SNPH: variants seen among roughly 807,000 people sequenced by gnomAD.
SNPH encodes the protein syntaphilin.
SNPH carries 10 observed loss-of-function variants against 36.8 expected under a neutral mutation model. That is an observed-to-expected ratio of 0.27 (90% CI 0.17 to 0.46). The LOEUF (loss-of-function observed/expected upper bound fraction) is 0.46. SNPH is among the 20% of genes least tolerant of loss of function. The probability of loss-of-function intolerance (pLI) is 1.00; values close to 1 mark genes in which losing one functional copy is unlikely to be tolerated. For missense variants in SNPH, 622 were observed against 744.0 expected (o/e 0.84, Z 1.91); for synonymous variants, 281 against 312.2 (o/e 0.90, Z 1.05).
chr20:1,286,202 G>A (rs538974327), intron 2 of SNPH, among the ~76,000 whole-genome samples: 1 of 152,182 alleles, frequency 6.6e-6, no homozygotes, highest in East Asian at 1.9e-4. Flanking sequence ...TAAATTAAGA[G>A]GTAGGGCAGC....
intron 2 of SNPH, among the ~76,000 whole-genome samples, chr20:1,278,208 G>C (rs1203746135): frequency 6.6e-6 from 1 of 151,536 alleles, no homozygotes; most frequent in Non-Finnish European, 1.5e-5. Context: ...GTCAGTGTCT[G>C]TGTGTGTGTT....
At chr20:1,275,226 C>T (rs79937072) in intron 2 of SNPH, among the ~76,000 whole-genome samples, 9,825 of 152,252 alleles carry the variant, frequency 0.065, 445 homozygotes, top group Admixed American at 0.12. Context: ...TTGTGTTACC[C>T]CCTGGGCCAT....
intron 2 of SNPH, among the ~76,000 whole-genome samples, chr20:1,277,660 CTGTG>C (rs1409648947): frequency 9.6e-6 from 1 of 103,654 alleles, no homozygotes; most frequent in East Asian, 3.1e-4. Context: ...GTCTGTGTAT[CTGTG>C]TGTGTCCGTG....
chr20:1,296,944 A>T (rs2088443363), intron 4 of SNPH: 1 of 652,852 alleles, frequency 1.5e-6, no homozygotes. Flanking sequence ...CAGGAGGACC[A>T]GCCTTCTTCT....
In SNPH at chr20:1,276,142, G is replaced by A. The variant is rs17779831; in HGVS notation, c.-493+9382G>A. Among the ~76,000 whole-genome samples, 9,160 of 152,228 alleles carry A rather than the reference G, an allele frequency of 0.06. 382 individuals are homozygous for A. Among genetic ancestry groups the A allele is most frequent in the South Asian group, 0.1 (490 of 4,824 alleles). The stretch of plus-strand genomic sequence containing the variant: ...GAGACCAGCCCTCCCTGGGTGGCAC[G>A]CAGGGCCCAGATTGGAGCTGTAGAC... On this transcript the variant is annotated intron_variant, in intron 2 of 6. Coordinates refer to ENST00000381867, the MANE Select transcript of SNPH (RefSeq NM_001318234.2). The surrounding 1 kb of genome is among the most constrained non-coding windows in gnomAD (Gnocchi z 4.6).
rs753820108 is a variant in SNPH, at chr20:1,305,329, C to T, written c.892C>T (p.Arg298Trp). Residue 298 changes from arginine to tryptophan, a missense_variant, in exon 7 of 7, where the codon CGG becomes TGG. Physicochemically the swap from Arg to Trp is moderately radical, Grantham distance 101. Transcript: ENST00000381867. ...TGCAGCAGCCGATGACACACTGAGCCGGACGGACGCGCTGGAAGCCAGCAG... is the reference window on the plus strand; with the variant it reads ...TGCAGCAGCCGATGACACACTGAGCTGGACGGACGCGCTGGAAGCCAGCAG... ...GFAAADDTLS[R>W]TDALEASSLL... 1.4e-5 allele frequency: 23 copies of T among 1,610,426 alleles called. No homozygotes were observed. Among genetic ancestry groups the T allele is most frequent in the Admixed American group, 1.7e-5 (1 of 59,962 alleles).
chr20:1,282,684 T>C (rs2088239153), intron 2 of SNPH, among the ~76,000 whole-genome samples: 1 of 151,940 alleles, frequency 6.6e-6, no homozygotes, highest in African/African-American at 2.4e-5. Flanking sequence ...TTCAGTACCT[T>C]TCTGGTATAA....
At chr20:1,298,478 C>T (rs959524904) in intron 5 of SNPH, among the ~76,000 whole-genome samples, 3 of 152,212 alleles carry the variant, frequency 2.0e-5, no homozygotes, top group Admixed American at 2.0e-4. Flanking sequence ...ACTCATGCCC[C>T]AGCATCCTGG....
rs1222710402 is a variant in SNPH, at chr20:1,294,442, G to A, written c.-492-509G>A. Among the ~76,000 whole-genome samples the A allele has an allele frequency of 2.6e-5, 4 of 152,266 alleles. No individual in the cohort carries two copies. Among genetic ancestry groups the A allele is most frequent in the South Asian group, 2.1e-4 (1 of 4,824 alleles). On this transcript the variant is annotated intron_variant, in intron 2 of 6. Transcript: ENST00000381867. This position sits in a 1 kb window ranked among gnomAD's most constrained non-coding sequence, Gnocchi z 4.4. ...ACTGATGTCCTCTTACCCCCAAATC[G>A]CCCCTCCTCCATGGTTCCTGCTCTA...
Position 1,306,006 on chromosome 20 carries a change from G to C in SNPH, c.1569G>C (p.Ser523=). Residue 523 remains serine, a synonymous_variant, in exon 7 of 7, where the codon TCG becomes TCC. Transcript: ENST00000381867. ...CCATCCGCAGGATCAGCTGCCGCTC[G>C]CTGAGCCAGCCGAGTCCCAGCCCAG... The part of the protein sequence containing the change: ...LHSIRRISCR[S]LSQPSPSPAG... The C allele has an allele frequency of 6.6e-7, 1 of 1,525,034 alleles. No individual in the cohort carries two copies. The highest frequency in any genetic ancestry group is 8.8e-7 in the Non-Finnish European group (1 of 1,136,934). The allele number at this position is 1,525,034 out of a possible 1,614,324, so 94.5% of individuals were successfully genotyped here.
intron 2 of SNPH, among the ~76,000 whole-genome samples, chr20:1,286,262 C>T (rs2088283273): frequency 6.6e-6 from 1 of 152,152 alleles, no homozygotes. Flanking sequence ...TAATCACCCA[C>T]CCTCTTCCAG....
At chr20:1,280,570 C>T (rs951883798) in intron 2 of SNPH, among the ~76,000 whole-genome samples, 17 of 152,222 alleles carry the variant, frequency 1.1e-4, no homozygotes, top group African/African-American at 3.4e-4. Context: ...CCACTTTATA[C>T]ATGGGCAGAC....
chr20:1,269,006 G>A (rs1324084691), intron 2 of SNPH, among the ~76,000 whole-genome samples: 1 of 152,196 alleles, frequency 6.6e-6, no homozygotes, highest in African/African-American at 2.4e-5. Flanking sequence ...GTGCCAGCTG[G>A]TGTGAGATGA....
At chr20:1,299,912 C>T (rs1027561109) in intron 5 of SNPH, among the ~76,000 whole-genome samples, 2 of 152,152 alleles carry the variant, frequency 1.3e-5, no homozygotes, top group East Asian at 3.9e-4. Context: ...AGTGCCAGGG[C>T]GTATATGGAG....
intron 3 of SNPH, among the ~76,000 whole-genome samples, chr20:1,295,347 A>G (rs2122388860): frequency 1.3e-5 from 2 of 152,264 alleles, no homozygotes; most frequent in South Asian, 4.1e-4. Flanking sequence ...AAAGAAGCCT[A>G]AGGACTCGGG....
At chr20:1,288,703 C>T (rs2088314220) in intron 2 of SNPH, among the ~76,000 whole-genome samples, 1 of 150,426 alleles carries the variant, frequency 6.6e-6, no homozygotes, top group African/African-American at 2.5e-5. Flanking sequence ...CTGACTACAA[C>T]CTCTGCCTCC....
At chr20:1,283,662 C>T (rs1023272079) in intron 2 of SNPH, among the ~76,000 whole-genome samples, 2 of 152,194 alleles carry the variant, frequency 1.3e-5, no homozygotes, top group African/African-American at 4.8e-5. Context: ...AAGCATGATA[C>T]GGCCGTGGGC....
At position 1,285,335 on chromosome 20, in the gene SNPH, T is replaced by G. The variant is rs567579951; in HGVS notation, c.-492-9616T>G. On this transcript the variant is annotated intron_variant, in intron 2 of 6. Coordinates refer to ENST00000381867, the MANE Select transcript of SNPH (RefSeq NM_001318234.2). This position sits in a 1 kb window ranked among gnomAD's most constrained non-coding sequence, Gnocchi z 4.9. ...GGGTTTTTCTTTCCTTTTCTTTTTT[T>G]GCAAGTAGACTTAAGAAAGCATAAA... Among the ~76,000 whole-genome samples, 3 of 152,310 alleles carry G rather than the reference T, an allele frequency of 2.0e-5. No individual in the cohort carries two copies. The South Asian group carries it at 6.2e-4, about 32-fold the overall frequency.
intron 2 of SNPH, among the ~76,000 whole-genome samples, chr20:1,291,856 G>C (rs1179878205): frequency 6.6e-6 from 1 of 152,216 alleles, no homozygotes; most frequent in Non-Finnish European, 1.5e-5. Flanking sequence ...TTTCCCCCAT[G>C]ACTGTTGATT....
Sources: gnomAD v4.1 joint callset for allele counts (sites outside exome capture counted in the v4.1 genomes callset) on GRCh38, gnomAD v4.1.1 for gene constraint, Gnocchi (gnomAD v3.1) non-coding constraint, MANE v1.5 for transcripts, NCBI Gene and HGNC (gene_info 2026-07-23, HGNC 2026-07-21) for gene names.